TMPRSS2: variants seen among roughly 807,000 people sequenced by gnomAD.
TMPRSS2 encodes the protein transmembrane serine protease 2.
A neutral mutation model predicts 67.4 loss-of-function variants in TMPRSS2; 59 were observed. The observed-to-expected ratio is 0.88, with a 90% CI of 0.71 to 1.09. The LOEUF is 1.09. Ranked by LOEUF, TMPRSS2 falls within the 50% of genes least tolerant of loss-of-function variation. The pLI, the probability that TMPRSS2 is intolerant of heterozygous loss-of-function variation, is 0.00. For synonymous variants in TMPRSS2, 257 were observed against 257.0 expected (o/e 1.00, Z 0.00); for missense variants, 668 against 642.7 (o/e 1.04, Z -0.43).
At chr21:41,470,423 T>C (rs1243301797) in intron 11 of TMPRSS2, among the ~76,000 whole-genome samples, 1 of 152,216 alleles carries the variant, frequency 6.6e-6, no homozygotes, top group Non-Finnish European at 1.5e-5. Flanking sequence ...CCATTCCACA[T>C]GCTGCTCTGT....
rs554175681 is a variant in TMPRSS2 at position 41,486,107 on chromosome 21, GGGA to G, written c.445+2284_445+2286del. Reference sequence around the variant, plus strand: ...GAGGTTAGGACTGCACTTGAGGGAGGGGAGGAGAACTACCTAAGAGATTTCTGG... The same window carrying G: ...GAGGTTAGGACTGCACTTGAGGGAGGGGAGAACTACCTAAGAGATTTCTGG... On this transcript the variant is annotated intron_variant, in intron 5 of 13. Transcript: ENST00000332149. Among the ~76,000 whole-genome samples, 757 of 152,248 alleles carry G rather than the reference GGGA, an allele frequency of 5.0e-3. 10 individuals carry two copies. Among genetic ancestry groups the G allele is most frequent in the Non-Finnish European group, 3.4e-3 (234 of 68,030 alleles).
intron 1 of TMPRSS2, among the ~76,000 whole-genome samples, chr21:41,503,788 C>T (rs2091438953): frequency 6.6e-6 from 1 of 152,208 alleles, no homozygotes; most frequent in East Asian, 1.9e-4. Flanking sequence ...CAAGACCAGA[C>T]ATAGTGATCT....
In TMPRSS2 at chr21:41,498,130, C is replaced by T. The variant is rs2091398257; in HGVS notation, c.4G>A (p.Ala2Thr). MALNSGSPPAIG... is the reference protein window; with the variant it reads MTLNSGSPPAIG... Reference sequence around the variant, plus strand: ...AATTAACCACTTACTGAGTTCAAAGCCATCTTGCTGTTATCAACAGCATCG... The same window carrying T: ...AATTAACCACTTACTGAGTTCAAAGTCATCTTGCTGTTATCAACAGCATCG... Residue 2 changes from alanine (A) to threonine (T), a missense_variant, in exon 2 of 14, where the codon GCT (alanine) becomes ACT (threonine). Transcript: ENST00000332149. The T allele has an allele frequency of 6.2e-7, 1 of 1,611,446 alleles. No homozygotes were observed. The highest frequency in any genetic ancestry group is 1.3e-5 in the African/African-American group (1 of 74,862).
chr21:41,489,498 T>C lies in TMPRSS2; in HGVS notation c.325+9A>G. ...AGCACATGGTGGGATCGAGGCTCCC[T>C]GCACTTACTGAACTTCCAGAGTAGG... On this transcript the variant is annotated intron_variant, in intron 4 of 13. Transcript: ENST00000332149. 3 of 1,613,574 alleles carry C rather than the reference T, an allele frequency of 1.9e-6. No homozygotes were observed. Among genetic ancestry groups the C allele is most frequent in the South Asian group, 1.1e-5 (1 of 91,032 alleles).
intron 1 of TMPRSS2, among the ~76,000 whole-genome samples, chr21:41,499,641 C>G (rs752817758): frequency 1.3e-5 from 2 of 152,136 alleles, no homozygotes; most frequent in Non-Finnish European, 2.9e-5. Context: ...CCAACCCCAC[C>G]CTGATCCTTG....
chr21:41,502,382 C>A (rs1182042786), intron 1 of TMPRSS2: 8 of 985,308 alleles, frequency 8.1e-6, no homozygotes, highest in Non-Finnish European at 9.6e-6. Context: ...CCTCACCGTG[C>A]ACCATTGTGC....
At chr21:41,476,469 C>A in intron 8 of TMPRSS2, 108 bp downstream of exon 8, 1 of 1,151,130 alleles carries the variant, frequency 8.7e-7, no homozygotes, top group East Asian at 2.4e-5. Context: ...AACCCGTGAC[C>A]CCACCTTCTT....
intron 1 of TMPRSS2, among the ~76,000 whole-genome samples, chr21:41,506,893 C>A (rs1211078048): frequency 6.6e-6 from 1 of 152,252 alleles, no homozygotes; most frequent in Non-Finnish European, 1.5e-5. Flanking sequence ...GCTCATCTTT[C>A]CCGCGGGACC....
intron 1 of TMPRSS2, 184 bp downstream of exon 1, chr21:41,507,897 C>G (rs374143750): frequency 1.3e-6 from 2 of 1,491,422 alleles, no homozygotes; most frequent in South Asian, 2.5e-5. Flanking sequence ...CCCAGCACCC[C>G]GGGAGGCGCC....
rs932001768 is a variant in TMPRSS2 at position 41,478,049 on chromosome 21, G to A, written c.683+1123C>T. ...CGGCTGGACTTGGCTCCCTGATTCC[G>A]TGTGTAACCCAGAAAGACAAAGAAC... On this transcript the variant is annotated intron_variant, in intron 7 of 13. Coordinates refer to ENST00000332149, the MANE Select transcript of TMPRSS2 (RefSeq NM_005656.4). This position sits in a 1 kb window ranked among gnomAD's most constrained non-coding sequence, Gnocchi z 4.0. 7.2e-5 allele frequency among the ~76,000 whole-genome samples: 11 copies of A among 152,166 alleles called. No homozygotes were observed. Among genetic ancestry groups the A allele is most frequent in the Non-Finnish European group, 8.8e-5 (6 of 68,038 alleles).
chr21:41,469,739 C>T (rs1403050116), intron 11 of TMPRSS2, among the ~76,000 whole-genome samples: 1 of 151,882 alleles, frequency 6.6e-6, no homozygotes, highest in Non-Finnish European at 1.5e-5. Flanking sequence ...ACACCTGCCC[C>T]GTCCCCACCA....
chr21:41,468,547 A>G lies in TMPRSS2; in HGVS notation c.1172-9T>C. 6.2e-7 allele frequency: 1 copy of G among 1,613,866 alleles called. No individual in the cohort carries two copies. Among genetic ancestry groups the G allele is most frequent in the Non-Finnish European group, 8.5e-7 (1 of 1,179,898 alleles). On this transcript the variant is annotated splice_polypyrimidine_tract_variant and intron_variant, in intron 11 of 13. Transcript: ENST00000332149. ...CACTTCTGAGGTCTTCCCTAAGGAC[A>G]GGGAGACTTGTTGAGCTCCCAGTGT...
intron 8 of TMPRSS2, 110 bp downstream of exon 8, chr21:41,476,467 A>G: frequency 9.0e-7 from 1 of 1,111,846 alleles, no homozygotes. Flanking sequence ...CCAACCCGTG[A>G]CCCCACCTTC....
At chr21:41,486,631 T>C (rs1256078679) in intron 5 of TMPRSS2, 1 of 152,024 alleles carries the variant, frequency 6.6e-6, no homozygotes, top group African/African-American at 2.4e-5. Flanking sequence ...GGAAGAAAAG[T>C]AAAAGGCAGC....
chr21:41,494,967 G>A (rs573892379), intron 2 of TMPRSS2, among the ~76,000 whole-genome samples: 2 of 152,080 alleles, frequency 1.3e-5, no homozygotes, highest in African/African-American at 2.4e-5. Flanking sequence ...TACTCGGGAG[G>A]CTGAGGCAGG....
rs761692926 is a variant in TMPRSS2, at chr21:41,494,565, G to A, written c.29C>T (p.Ala10Val). ...ATGGTTTTCATAGTAAGGTCCAATA[G>A]CTGGTGGTGACCCCTAAACAGTTGA... is the stretch of plus-strand genomic sequence containing the variant. MALNSGSPP[A>V]IGPYYENHGY... The change falls in exon 3 of 14, where the codon GCT becomes GTT. Residue 10 changes from alanine (A) to valine (V), a missense_variant. By Grantham distance (64) the Ala-to-Val change is moderately conservative. Coordinates refer to ENST00000332149, the MANE Select transcript of TMPRSS2 (RefSeq NM_005656.4). The A allele has an allele frequency of 1.2e-6, 2 of 1,613,654 alleles. No individual in the cohort carries two copies. The highest frequency in any genetic ancestry group is 1.7e-6 in the Non-Finnish European group (2 of 1,179,906).
At chr21:41,492,337 G>A (rs968701405) in intron 3 of TMPRSS2, among the ~76,000 whole-genome samples, 7 of 152,206 alleles carry the variant, frequency 4.6e-5, no homozygotes, top group Non-Finnish European at 1.0e-4. Flanking sequence ...ACGCACATTT[G>A]GAGGACTATG....
intron 1 of TMPRSS2, among the ~76,000 whole-genome samples, chr21:41,503,566 T>C (rs953986411): frequency 6.6e-6 from 1 of 152,198 alleles, no homozygotes; most frequent in African/African-American, 2.4e-5. Context: ...TCTGCATACA[T>C]CCAAAGGACA....
chr21:41,467,713 G>A, intron 13 of TMPRSS2, 21 bp downstream of exon 13: 1 of 1,613,068 alleles, frequency 6.2e-7, no homozygotes, highest in Admixed American at 1.7e-5. Flanking sequence ...AACACAGTCA[G>A]AAGGAGGACA....
Sources: gnomAD v4.1 joint callset for allele counts (sites outside exome capture counted in the v4.1 genomes callset) on GRCh38, gnomAD v4.1.1 for gene constraint, Gnocchi (gnomAD v3.1) non-coding constraint, MANE v1.5 for transcripts, NCBI Gene and HGNC (gene_info 2026-07-23, HGNC 2026-07-21) for gene names.